EIF4G3: variants seen among roughly 807,000 people sequenced by gnomAD.
The protein encoded by EIF4G3 is eIF-4-gamma 3.
In EIF4G3, 34 loss-of-function variants were observed where a neutral mutation model predicts 186.4. That is an observed-to-expected ratio of 0.18 (90% CI 0.14 to 0.24). EIF4G3 has a LOEUF of 0.24. Among genes scored for constraint, EIF4G3 ranks in the 10% least tolerant of loss-of-function variants. The probability of loss-of-function intolerance (pLI) is 1.00; values close to 1 mark genes in which losing one functional copy is unlikely to be tolerated. For synonymous variants in EIF4G3, 673 were observed against 679.5 expected, an observed-to-expected ratio of 0.99 and a Z score of 0.15; for missense variants, 1,536 against 1,948.5, an observed-to-expected ratio of 0.79 and a Z score of 3.99.
At chr1:20,808,657 G>A (rs1175302423) in intron 36 of EIF4G3, among the ~76,000 whole-genome samples, 2 of 152,098 alleles carry the variant, frequency 1.3e-5, no homozygotes, top group Non-Finnish European at 2.9e-5. Context: ...CTCCAGCCTG[G>A]GTGACAGAGC....
chr1:20,933,086 T>G (rs769522425), intron 14 of EIF4G3, among the ~76,000 whole-genome samples: 1 of 152,176 alleles, frequency 6.6e-6, no homozygotes, highest in African/African-American at 2.4e-5. Flanking sequence ...CCAGAAGACC[T>G]GGTGGTAAAA....
intron 19 of EIF4G3, among the ~76,000 whole-genome samples, chr1:20,881,695 G>C (rs529757638): frequency 3.6e-4 from 55 of 152,170 alleles, no homozygotes; most frequent in Admixed American, 2.7e-3. Context: ...GTTTAGGAGG[G>C]AGGACTGCCT....
At chr1:21,061,004 C>A (rs2094883498) in intron 3 of EIF4G3, among the ~76,000 whole-genome samples, 2 of 152,178 alleles carry the variant, frequency 1.3e-5, no homozygotes, top group African/African-American at 4.8e-5. Context: ...AGACTAAAAT[C>A]CCTGCATTCC....
At chr1:21,052,955 C>T (rs1232427927) in intron 3 of EIF4G3, among the ~76,000 whole-genome samples, 1 of 152,172 alleles carries the variant, frequency 6.6e-6, no homozygotes, top group East Asian at 1.9e-4. Context: ...CAGCTGCCTG[C>T]CTTGGCCCCG....
intron 2 of EIF4G3, among the ~76,000 whole-genome samples, chr1:21,120,505 A>G (rs905061390): frequency 6.6e-6 from 1 of 151,762 alleles, no homozygotes; most frequent in African/African-American, 2.4e-5. Context: ...GTGCATGCCT[A>G]TAATCCCAGC....
intron 7 of EIF4G3, among the ~76,000 whole-genome samples, chr1:20,986,064 T>C (rs1262246953): frequency 1.3e-5 from 2 of 152,168 alleles, no homozygotes; most frequent in African/African-American, 4.8e-5. Flanking sequence ...TTGTTTCAAG[T>C]CAATCATAAC....
intron 3 of EIF4G3, among the ~76,000 whole-genome samples, chr1:21,076,217 T>G (rs771502540): frequency 7.9e-5 from 12 of 152,278 alleles, no homozygotes; most frequent in African/African-American, 2.9e-4. Context: ...TACAAATACA[T>G]GGAAATTAGG....
At chr1:21,140,103 G>A (rs2097311760) in intron 2 of EIF4G3, among the ~76,000 whole-genome samples, 2 of 152,202 alleles carry the variant, frequency 1.3e-5, no homozygotes, top group South Asian at 4.1e-4. Flanking sequence ...GGTTGAGGCT[G>A]TCTTCTCTCT....
At chr1:21,086,167 C>T (rs1185335110) in intron 3 of EIF4G3, among the ~76,000 whole-genome samples, 1 of 149,574 alleles carries the variant, frequency 6.7e-6, no homozygotes, top group Non-Finnish European at 1.5e-5. Context: ...TTCAGACAGA[C>T]CAAGAAAAAT....
chr1:20,849,385 T>C (rs1258520005), intron 29 of EIF4G3, 30 bp downstream of exon 29: 1 of 1,232,378 alleles, frequency 8.1e-7, no homozygotes, highest in Non-Finnish European at 1.1e-6. Context: ...GGACTTACTG[T>C]GTGTGTGTTT....
chr1:21,155,449 C>A (rs1315377309), intron 2 of EIF4G3, among the ~76,000 whole-genome samples: 1 of 151,990 alleles, frequency 6.6e-6, no homozygotes, highest in African/African-American at 2.4e-5. Flanking sequence ...TTATTGAAAA[C>A]TCCAGGTTCA....
At chr1:21,145,752 C>G (rs2097428518) in intron 2 of EIF4G3, among the ~76,000 whole-genome samples, 2 of 151,972 alleles carry the variant, frequency 1.3e-5, no homozygotes, top group South Asian at 2.1e-4. Flanking sequence ...ATGGCAAAAT[C>G]TAGCCAATAT....
rs1448096226 is a variant in EIF4G3 at position 20,851,306 on chromosome 1, C to T, written c.3724G>A (p.Val1242Met). The T allele has an allele frequency of 6.2e-7, 1 of 1,614,196 alleles. No homozygotes were observed. Among genetic ancestry groups the T allele is most frequent in the East Asian group, 2.2e-5 (1 of 44,878 alleles). Reference sequence around the variant, plus strand: ...TCAGCCTCAGTGCTGTTCCTCTCCACATCCACACCTCCTGTGAGCTGCTTC... The same window carrying T: ...TCAGCCTCAGTGCTGTTCCTCTCCATATCCACACCTCCTGTGAGCTGCTTC... ...TVKQLTGGVD[V>M]ERNSTEAERN... is the part of the protein sequence containing the mutation. The change falls in exon 28 of 37, where the codon GTG (valine) becomes ATG (methionine). Residue 1242 changes from valine (V) to methionine (M), a missense_variant. Val to Met is a conservative substitution (Grantham distance 21, BLOSUM62 1). This residue lies in a region of EIF4G3 where 395 missense variants were observed against 498.9 expected (regional missense o/e 0.79). Coordinates refer to ENST00000602326, the MANE Select transcript of EIF4G3 (RefSeq NM_001391906.1).
intron 19 of EIF4G3, among the ~76,000 whole-genome samples, chr1:20,880,734 G>C (rs2082086386): frequency 1.3e-5 from 2 of 152,170 alleles, no homozygotes; most frequent in South Asian, 4.1e-4. Flanking sequence ...TTGCGCAACA[G>C]AGTGAGACTC....
At chr1:21,108,017 G>A (rs1044502231) in intron 2 of EIF4G3, among the ~76,000 whole-genome samples, 3 of 152,182 alleles carry the variant, frequency 2.0e-5, no homozygotes, top group South Asian at 2.1e-4. Context: ...GCGCAGTGGC[G>A]CACACCTGTA....
chr1:21,102,623 A>C (rs2096547849), intron 2 of EIF4G3, among the ~76,000 whole-genome samples: 2 of 152,146 alleles, frequency 1.3e-5, no homozygotes, highest in African/African-American at 4.8e-5. Context: ...GGTTCTTAAT[A>C]ATTAGAACAA....
chr1:20,969,717 C>A, intron 11 of EIF4G3, 121 bp from the exon 12 acceptor site: 1 of 852,498 alleles, frequency 1.2e-6, no homozygotes, highest in South Asian at 1.8e-5. Flanking sequence ...GTGATAATCA[C>A]CACATTTGAC....
At chr1:20,903,251 A>G (rs1050008057) in intron 15 of EIF4G3, among the ~76,000 whole-genome samples, 2 of 152,222 alleles carry the variant, frequency 1.3e-5, no homozygotes, top group Non-Finnish European at 2.9e-5. Flanking sequence ...TTTAAGCTAC[A>G]GCGGCAAATT....
rs575118219 is a variant in EIF4G3, at chr1:20,923,173, G to GTT, written c.1664-18204_1664-18203dup. Among the ~76,000 whole-genome samples the GTT allele has an allele frequency of 1.9e-4, 29 of 151,932 alleles. 1 individual carries two copies. The South Asian group carries it at 5.9e-3, about 31-fold the overall frequency. On this transcript the variant is annotated intron_variant, in intron 14 of 36. Transcript: ENST00000602326. ...GAATTCCAGCTTCATTTTTATCTTGGTTAAAGTTGTCTTTTGCTTTTGTAG... is the reference window on the plus strand; with the variant it reads ...GAATTCCAGCTTCATTTTTATCTTGGTTTTAAAGTTGTCTTTTGCTTTTGTAG...
Sources: allele counts gnomAD v4.1 joint callset (sites outside exome capture counted in the v4.1 genomes callset), GRCh38; gene constraint gnomAD v4.1.1; regional missense constraint gnomAD v4.1.1; transcripts MANE v1.5; gene names NCBI Gene and HGNC (gene_info 2026-07-23, HGNC 2026-07-21).